C6: variants seen among roughly 807,000 people sequenced by gnomAD.
C6 encodes complement C6, also known as complement component C6.
In C6, 101 loss-of-function variants were observed where a neutral mutation model predicts 112.9. The ratio of observed to expected loss-of-function variants is 0.89; its 90% CI spans 0.76 to 1.06. The LOEUF is 1.06. C6 is among the 50% of genes least tolerant of loss of function. The pLI, the probability that C6 is intolerant of heterozygous loss-of-function variation, is 0.00. For synonymous variants in C6, 431 were observed against 384.1 expected (o/e 1.12, Z -1.43); for missense variants, 1,202 against 1,104.6 (o/e 1.09, Z -1.25).
intron 6 of C6, among the ~76,000 whole-genome samples, chr5:41,181,923 T>C (rs1419580570): frequency 6.6e-6 from 1 of 152,214 alleles, no homozygotes; most frequent in Non-Finnish European, 1.5e-5. Context: ...GTGATTTTGA[T>C]GCAGTGTGCA....
In C6 at chr5:41,161,785, C is replaced by A; in HGVS notation, c.1366G>T (p.Ala456Ser). 6.2e-7 allele frequency: 1 copy of A among 1,613,664 alleles called. No individual in the cohort carries two copies. Among genetic ancestry groups the A allele is most frequent in the Non-Finnish European group, 8.5e-7 (1 of 1,179,718 alleles). The change falls in exon 10 of 18, where the codon GCA becomes TCA. Residue 456 changes from alanine to serine, a missense_variant. Ala to Ser is a moderately conservative substitution (Grantham distance 99). Coordinates refer to ENST00000337836, the MANE Select transcript of C6 (RefSeq NM_000065.5). ...AGACCAGAGCTCCCTTTCTCCCATG[C>A]CAAAGCTGCTCCATATTCACTCCTT... ...GGRSEYGAAL[A>S]WEKGSSGLEE...
At chr5:41,251,804 A>G (rs1741380026) in intron 1 of C6, among the ~76,000 whole-genome samples, 1 of 152,164 alleles carries the variant, frequency 6.6e-6, no homozygotes, top group Admixed American at 6.5e-5. Flanking sequence ...CAGGGATTTT[A>G]CTGTGCTGGA....
upstream of C6, among the ~76,000 whole-genome samples, chr5:41,214,982 A>C (rs201485210): frequency 3.9e-5 from 6 of 152,102 alleles, no homozygotes. Context: ...TGATCCAAAC[A>C]CTAGAATTGA....
chr5:41,204,573 T>A (rs931517990), intron 1 of C6, among the ~76,000 whole-genome samples: 4 of 152,106 alleles, frequency 2.6e-5, no homozygotes, highest in African/African-American at 9.7e-5. Context: ...AATCTTGGTT[T>A]AAGTCAAGAG....
At chr5:41,183,979 G>A (rs61050629) in intron 6 of C6, among the ~76,000 whole-genome samples, 3,258 of 134,356 alleles carry the variant, frequency 0.024, 124 homozygotes, top group African/African-American at 0.087. Flanking sequence ...GGTCTACTAG[G>A]GGGGGAAGGG....
intron 1 of C6, among the ~76,000 whole-genome samples, chr5:41,224,940 C>T (rs1209768195): frequency 2.0e-5 from 3 of 152,024 alleles, no homozygotes; most frequent in Non-Finnish European, 1.5e-5. Flanking sequence ...TTCACATTTC[C>T]CTGGGAATTT....
chr5:41,241,242 A>G (rs1437826541), intron 1 of C6, among the ~76,000 whole-genome samples: 1 of 152,192 alleles, frequency 6.6e-6, no homozygotes, highest in Non-Finnish European at 1.5e-5. Context: ...CAGCCAGTCT[A>G]GGTAGGTGGC....
chr5:41,241,412 C>T (rs1159182257), intron 1 of C6, among the ~76,000 whole-genome samples: 2 of 152,096 alleles, frequency 1.3e-5, no homozygotes, highest in Non-Finnish European at 2.9e-5. Context: ...GGTTGAGCCC[C>T]TGGGAGATAG....
intron 1 of C6, among the ~76,000 whole-genome samples, chr5:41,250,997 A>G (rs1239003646): frequency 2.0e-5 from 3 of 152,102 alleles, no homozygotes; most frequent in African/African-American, 7.2e-5. Context: ...TGATCAGATT[A>G]TTTTCTCTAC....
chr5:41,239,700 A>T (rs1357459333), intron 1 of C6, among the ~76,000 whole-genome samples: 1 of 151,882 alleles, frequency 6.6e-6, no homozygotes, highest in Non-Finnish European at 1.5e-5. Flanking sequence ...CCCACATATC[A>T]GTAAGTTTTA....
chr5:41,142,545 G>A lies in C6; in HGVS notation c.*280C>T, dbSNP rs1034351928. Reference sequence around the variant, plus strand: ...CACAGGCTACATAAGGGCCTCAGAAGTCACATTATTTTTGTACAATGTGAA... The same window carrying A: ...CACAGGCTACATAAGGGCCTCAGAAATCACATTATTTTTGTACAATGTGAA... On this transcript the variant is annotated 3_prime_UTR_variant, in exon 18 of 18. Coordinates refer to ENST00000337836, the MANE Select transcript of C6 (RefSeq NM_000065.5). 3.3e-5 allele frequency: 15 copies of A among 453,270 alleles called. No individual in the cohort carries two copies. Among genetic ancestry groups the A allele is most frequent in the Non-Finnish European group, 2.0e-5 (5 of 247,134 alleles). 28.1% of individuals were successfully genotyped at this position (453,270 alleles called of 1,614,324 possible).
At chr5:41,212,264 C>G (rs1751991844) in intron 1 of C6, among the ~76,000 whole-genome samples, 1 of 152,094 alleles carries the variant, frequency 6.6e-6, no homozygotes. Flanking sequence ...TGGGTTCAAG[C>G]AATTCTCTGC....
chr5:41,143,651 T>C (rs1305686342), intron 17 of C6, among the ~76,000 whole-genome samples: 2 of 152,170 alleles, frequency 1.3e-5, no homozygotes, highest in Non-Finnish European at 2.9e-5. Flanking sequence ...GTAAGCCCTT[T>C]GCGCATTGCC....
At chr5:41,155,366 TTTTG>T (rs1003088275) in intron 13 of C6, among the ~76,000 whole-genome samples, 8 of 152,030 alleles carry the variant, frequency 5.3e-5, no homozygotes, top group Admixed American at 3.3e-4. Context: ...TTGGTTAGGG[TTTTG>T]TTTGTTTGTT....
At chr5:41,180,027 C>T (rs964734682) in intron 7 of C6, among the ~76,000 whole-genome samples, 32 of 152,208 alleles carry the variant, frequency 2.1e-4, no homozygotes, top group African/African-American at 7.7e-4. Context: ...ATATGAATTT[C>T]AATCTATTCA....
chr5:41,261,226 A>G, exon 1 of C6: 1 of 985,664 alleles, frequency 1.0e-6, no homozygotes, highest in Non-Finnish European at 1.2e-6. Flanking sequence ...ATACCAGCAG[A>G]TACTTCAGCA....
chr5:41,162,113 T>A (rs1046893187), intron 9 of C6, among the ~76,000 whole-genome samples: 2 of 152,112 alleles, frequency 1.3e-5, no homozygotes, highest in African/African-American at 4.8e-5. Context: ...TTTACACACA[T>A]CTTATATAAT....
chr5:41,213,598 C>T (rs1047899067), upstream of C6: 1 of 972,788 alleles, frequency 1.0e-6, no homozygotes, highest in African/African-American at 1.8e-5. Flanking sequence ...ATGATTACAC[C>T]AATCAGTAGT....
chr5:41,199,686 T>C (rs1750861675), intron 4 of C6, 82 bp downstream of exon 4: 4 of 1,331,428 alleles, frequency 3.0e-6, no homozygotes, highest in Admixed American at 3.4e-5. Flanking sequence ...TGTGATGGAT[T>C]CTACTGTTAG....
Sources: allele counts gnomAD v4.1 joint callset (sites outside exome capture counted in the v4.1 genomes callset), GRCh38; gene constraint gnomAD v4.1.1; transcripts MANE v1.5; gene names NCBI Gene and HGNC (gene_info 2026-07-23, HGNC 2026-07-21).